Variants in AHRR observed in about 807,000 individuals in gnomAD.
The protein encoded by AHRR is ahR repressor.
AHRR carries 28 observed loss-of-function variants against 44.0 expected under a neutral mutation model. That is an observed-to-expected ratio of 0.64 (90% CI 0.47 to 0.87). The LOEUF (loss-of-function observed/expected upper bound fraction) is 0.87. AHRR is among the 40% of genes least tolerant of loss of function. AHRR has a pLI of 0.00. For synonymous variants in AHRR, 434 were observed against 407.0 expected (o/e 1.07, Z -0.80); for missense variants, 990 against 953.9 (o/e 1.04, Z -0.50).
intron 4 of AHRR, among the ~76,000 whole-genome samples, chr5:396,461 T>C (rs754736876): frequency 2.5e-4 from 38 of 152,166 alleles, no homozygotes; most frequent in Non-Finnish European, 4.6e-4. Flanking sequence ...GAGAGCTCCA[T>C]GATGCCCAAG....
At chr5:369,979 G>A (rs1448148042) in intron 3 of AHRR, among the ~76,000 whole-genome samples, 2 of 152,242 alleles carry the variant, frequency 1.3e-5, no homozygotes, top group Admixed American at 6.5e-5. Flanking sequence ...GTTGGGGTGT[G>A]AGAGCAGGGG....
At chr5:345,202 G>GGA (rs1742590081) in intron 2 of AHRR, among the ~76,000 whole-genome samples, 1 of 125,522 alleles carries the variant, frequency 8.0e-6, no homozygotes, top group Non-Finnish European at 1.7e-5. Context: ...GTGTGTGTGT[G>GGA]TGTGTGTGTG....
intron 4 of AHRR, among the ~76,000 whole-genome samples, chr5:389,099 C>T (rs576711883): frequency 7.9e-5 from 12 of 151,266 alleles, no homozygotes; most frequent in South Asian, 4.2e-4. Flanking sequence ...AGACCATCTG[C>T]GGCAGGGACC....
chr5:353,929 T>C lies in AHRR; in HGVS notation c.244+18T>C. 1.2e-6 allele frequency: 2 copies of C among 1,601,858 alleles called. No individual in the cohort carries two copies. Among genetic ancestry groups the C allele is most frequent in the Non-Finnish European group, 1.7e-6 (2 of 1,173,254 alleles). On this transcript the variant is annotated intron_variant, in intron 3 of 10. Transcript: ENST00000684583. ...CTTCCAAGGTAGGACTCTCACCTGC[T>C]CCCACCTGTTCACTTGAGTCAGGCT...
At chr5:424,391 G>C (rs548902615) in intron 7 of AHRR, among the ~76,000 whole-genome samples, 39 of 121,234 alleles carry the variant, frequency 3.2e-4, no homozygotes, top group Admixed American at 1.5e-3. Context: ...TGTCCCTGGT[G>C]GGGGGGCGAG....
At chr5:373,932 G>A (rs2126437104) in intron 3 of AHRR, among the ~76,000 whole-genome samples, 1 of 151,494 alleles carries the variant, frequency 6.6e-6, no homozygotes, top group Admixed American at 6.6e-5. Flanking sequence ...GGAAGTAGGG[G>A]GGAAGTGGGC....
At chr5:331,659 T>C (rs1463231128) in intron 1 of AHRR, among the ~76,000 whole-genome samples, 1 of 152,172 alleles carries the variant, frequency 6.6e-6, no homozygotes, top group African/African-American at 2.4e-5. Context: ...CATGGCTCGC[T>C]AGGAACCAGG....
At chr5:418,208 G>A (rs988645464) in intron 5 of AHRR, among the ~76,000 whole-genome samples, 2 of 152,208 alleles carry the variant, frequency 1.3e-5, no homozygotes, top group African/African-American at 2.4e-5. Flanking sequence ...AGTAAAGACT[G>A]TCTTTAGTTG....
Position 410,319 on chromosome 5 carries a change from C to T in AHRR, c.352-3025C>T, listed in dbSNP as rs1001742391. 3.3e-5 allele frequency among the ~76,000 whole-genome samples: 5 copies of T among 152,282 alleles called. No individual in the cohort carries two copies. The South Asian group carries it at 6.2e-4, about 19-fold the overall frequency. ...TCAAGCAATCCTCCCACCTCAGCCT[C>T]CCAAGTAGCTGGGACTACAGGCATG... On this transcript the variant is annotated intron_variant, in intron 4 of 10. Coordinates refer to ENST00000684583, the MANE Select transcript of AHRR (RefSeq NM_001377236.1).
chr5:354,209 AAGCTGCGC>A (rs1742962613), intron 3 of AHRR, among the ~76,000 whole-genome samples: 1 of 152,140 alleles, frequency 6.6e-6, no homozygotes, highest in Admixed American at 6.5e-5. Flanking sequence ...GGGTTTGCTG[AAGCTGCGC>A]AGCTGCTGAG....
At position 370,754 on chromosome 5, in the gene AHRR, G is replaced by A. The variant is rs1743549639; in HGVS notation, c.245-5856G>A. On this transcript the variant is annotated intron_variant, in intron 3 of 10. Transcript: ENST00000684583. This position sits in a 1 kb window ranked among gnomAD's most constrained non-coding sequence, Gnocchi z 4.5. Reference sequence around the variant, plus strand: ...GTGGAGGGGGGCAGCCCATGGGAAGGTGCAGGTGTTGGTGGGGGGAGGGGG... The same window carrying A: ...GTGGAGGGGGGCAGCCCATGGGAAGATGCAGGTGTTGGTGGGGGGAGGGGG... Among the ~76,000 whole-genome samples, 1 of 149,862 alleles carries A rather than the reference G, an allele frequency of 6.7e-6. No individual in the cohort carries two copies. Among genetic ancestry groups the A allele is most frequent in the East Asian group, 2.0e-4 (1 of 5,012 alleles).
chr5:337,026 T>A lies in AHRR; in HGVS notation c.-10-6867T>A, dbSNP rs1742161982. On this transcript the variant is annotated intron_variant, in intron 1 of 10. Coordinates refer to ENST00000684583, the MANE Select transcript of AHRR (RefSeq NM_001377236.1). This position sits in a 1 kb window ranked among gnomAD's most constrained non-coding sequence, Gnocchi z 4.1. ...TTGTGGAAAATCAATTGGTCATTGG[T>A]CATAATCAATTAGTATCTCTATTCT... 1.3e-5 allele frequency among the ~76,000 whole-genome samples: 2 copies of A among 152,226 alleles called. No individual in the cohort carries two copies. Among genetic ancestry groups the A allele is most frequent in the African/African-American group, 4.8e-5 (2 of 41,462 alleles).
chr5:374,617 G>A (rs1406872829), intron 3 of AHRR, among the ~76,000 whole-genome samples: 1 of 152,208 alleles, frequency 6.6e-6, no homozygotes, highest in Non-Finnish European at 1.5e-5. Flanking sequence ...TACCAGCTAT[G>A]GGAGTTGAGG....
At chr5:424,083 T>C in intron 7 of AHRR, 106 bp downstream of exon 7, 1 of 1,406,530 alleles carries the variant, frequency 7.1e-7, no homozygotes, top group Non-Finnish European at 9.5e-7. Context: ...TTAAACCACA[T>C]GTCCCTGGTG....
chr5:398,500 A>G (rs1009902080), intron 4 of AHRR, among the ~76,000 whole-genome samples: 3 of 152,164 alleles, frequency 2.0e-5, no homozygotes, highest in Admixed American at 6.5e-5. Flanking sequence ...AGTTCTATTC[A>G]GTGGTGTTCA....
rs758412461 is a variant in AHRR at position 434,610 on chromosome 5, G to T, written c.1870G>T (p.Gly624Cys). Residue 624 changes from glycine (G) to cysteine (C), a missense_variant, in exon 11 of 11, where the codon GGC becomes TGC. Coordinates refer to ENST00000684583, the MANE Select transcript of AHRR (RefSeq NM_001377236.1). Reference protein sequence around the residue: ...AHCACLEPTDGLPQSEPPHQL... With the variant: ...AHCACLEPTDCLPQSEPPHQL... Reference sequence around the variant, plus strand: ...CTGTGCCTGCCTGGAGCCCACAGACGGCCTTCCCCAGTCGGAGCCTCCCCA... The same window carrying T: ...CTGTGCCTGCCTGGAGCCCACAGACTGCCTTCCCCAGTCGGAGCCTCCCCA... The T allele has an allele frequency of 2.6e-6, 4 of 1,564,380 alleles. No homozygotes were observed. The South Asian group carries it at 4.7e-5, about 18-fold the overall frequency.
At chr5:415,976 A>G (rs1271560855) in intron 5 of AHRR, among the ~76,000 whole-genome samples, 1 of 152,190 alleles carries the variant, frequency 6.6e-6, no homozygotes, top group Non-Finnish European at 1.5e-5. Flanking sequence ...GCCCAAGGCC[A>G]GTCTCCCTGT....
Position 335,565 on chromosome 5 carries a change from CT to C in AHRR, c.-10-8327del, listed in dbSNP as rs569285246. Among the ~76,000 whole-genome samples, 25 of 152,264 alleles carry C rather than the reference CT, an allele frequency of 1.6e-4. No homozygotes were observed. The East Asian group carries it at 3.1e-3, about 19-fold the overall frequency. ...GACCAGGCAAGCTTGCTCTAGCCCC[CT>C]GAGTGCATGCACCAACTGTGACAGG... On this transcript the variant is annotated intron_variant, in intron 1 of 10. Transcript: ENST00000684583.
chr5:389,711 C>T (rs939042327), intron 4 of AHRR, among the ~76,000 whole-genome samples: 1 of 151,866 alleles, frequency 6.6e-6, no homozygotes, highest in African/African-American at 2.4e-5. Flanking sequence ...AGAGAAAGGA[C>T]CAGGGCGCAG....
Sources: gnomAD v4.1 joint callset for allele counts (sites outside exome capture counted in the v4.1 genomes callset) on GRCh38, gnomAD v4.1.1 for gene constraint, Gnocchi (gnomAD v3.1) non-coding constraint, MANE v1.5 for transcripts, NCBI Gene and HGNC (gene_info 2026-07-23, HGNC 2026-07-21) for gene names.